Variants in ANKRD36C observed in about 807,000 individuals in gnomAD.
The protein encoded by ANKRD36C is ankyrin repeat domain-containing protein 36C.
Under a neutral mutation model 276.4 loss-of-function variants are expected in ANKRD36C, and 61 were observed. The ratio of observed to expected loss-of-function variants is 0.22; its 90% CI spans 0.18 to 0.27. ANKRD36C has a LOEUF of 0.27. Among genes scored for constraint, ANKRD36C ranks in the 10% least tolerant of loss-of-function variants. ANKRD36C has a pLI of 1.00. For missense variants in ANKRD36C, 1,447 were observed against 2,032.3 expected, an observed-to-expected ratio of 0.71 and a Z score of 5.54; for synonymous variants, 483 against 680.1, an observed-to-expected ratio of 0.71 and a Z score of 4.51.
chr2:95,893,695 C>A lies in ANKRD36C; in HGVS notation c.2756-1835G>T. On this transcript the variant is annotated intron_variant, in intron 44 of 66. Coordinates refer to ENST00000456556, the Ensembl canonical transcript of ANKRD36C. ...CACAATATAAATGAGAGTTTCATTA[C>A]CTTCAAGGCTGGTGGTTTCTGAGAA... is the stretch of plus-strand genomic sequence containing the variant. The A allele has an allele frequency of 6.2e-7, 1 of 1,605,304 alleles. No individual in the cohort carries two copies. The highest frequency in any genetic ancestry group is 8.5e-7 in the Non-Finnish European group (1 of 1,176,894).
downstream of ANKRD36C, chr2:95,851,133 T>C (rs1341686288): frequency 6.4e-7 from 1 of 1,560,166 alleles, no homozygotes; most frequent in Non-Finnish European, 8.7e-7. Context: ...AAATCAATGA[T>C]TGGAATTTAA....
rs1276975051 is a variant in ANKRD36C at position 95,891,625 on chromosome 2, T to C, written c.2857+40A>G. The C allele has an allele frequency of 6.5e-6, 10 of 1,535,602 alleles. No individual in the cohort carries two copies. In the East Asian group the frequency reaches 2.0e-4, roughly 30 times the overall value. ...TTCAGGGAAGAGAATTTCTTATCTA[T>C]CTGCACTGAACATGACATTAAATCT... On this transcript the variant is annotated intron_variant, in intron 46 of 66. Coordinates refer to ENST00000456556, the Ensembl canonical transcript of ANKRD36C.
At chr2:95,950,239 A>C (rs972107876) in intron 16 of ANKRD36C, among the ~76,000 whole-genome samples, 2 of 152,292 alleles carry the variant, frequency 1.3e-5, no homozygotes, top group Non-Finnish European at 2.9e-5. Flanking sequence ...ATAACTGATA[A>C]CTGCCTTTAA....
chr2:95,963,990 T>TATATATAA (rs1291162815), intron 6 of ANKRD36C, among the ~76,000 whole-genome samples: 9 of 19,328 alleles, frequency 4.7e-4, no homozygotes, highest in African/African-American at 2.2e-3. Context: ...TATATATATA[T>TATATATAA]ATATATATAT....
chr2:95,869,010 T>C (rs1675743580), intron 59 of ANKRD36C, among the ~76,000 whole-genome samples: 1 of 151,476 alleles, frequency 6.6e-6, no homozygotes, highest in Admixed American at 6.6e-5. Context: ...TTTTCACTAC[T>C]AGTTGTTGAG....
chr2:95,863,143 C>T (rs963194742), intron 60 of ANKRD36C, among the ~76,000 whole-genome samples: 1 of 152,040 alleles, frequency 6.6e-6, no homozygotes, highest in African/African-American at 2.4e-5. Flanking sequence ...TTACTAGTTT[C>T]AGAAATAAAC....
intron 34 of ANKRD36C, 136 bp from the exon 35 acceptor site, chr2:95,920,056 T>C (rs1677223644): frequency 1.2e-5 from 13 of 1,091,194 alleles, no homozygotes; most frequent in African/African-American, 1.6e-5. Flanking sequence ...ACTTTGTGTC[T>C]TGGGACTGGA....
At chr2:95,889,698 A>T in intron 48 of ANKRD36C, 101 bp downstream of exon 68, 2 of 1,429,174 alleles carry the variant, frequency 1.4e-6, no homozygotes, top group Non-Finnish European at 1.9e-6. Context: ...ATACTGAATC[A>T]GAACATGAAG....
intron 42 of ANKRD36C, among the ~76,000 whole-genome samples, chr2:95,904,352 C>T (rs1175505967): frequency 6.8e-6 from 1 of 146,376 alleles, no homozygotes; most frequent in Non-Finnish European, 1.5e-5. Flanking sequence ...CTCCTTAGTT[C>T]TCCTACAGTG....
chr2:95,983,369 C>A (rs1678958709), intron 3 of ANKRD36C, among the ~76,000 whole-genome samples: 1 of 151,302 alleles, frequency 6.6e-6, no homozygotes, highest in East Asian at 1.9e-4. Context: ...GACCCTGATG[C>A]AAATATTTAT....
chr2:95,970,672 T>G (rs765338163), intron 6 of ANKRD36C, among the ~76,000 whole-genome samples: 1 of 152,184 alleles, frequency 6.6e-6, no homozygotes, highest in Non-Finnish European at 1.5e-5. Flanking sequence ...AGTCATGTTA[T>G]AATAATATAG....
At chr2:95,921,704 A>C (rs1677275032) in intron 33 of ANKRD36C, 25 bp from the exon 34 acceptor site, 1 of 1,580,594 alleles carries the variant, frequency 6.3e-7, no homozygotes, top group African/African-American at 1.4e-5. Context: ...AAAGAAAATA[A>C]TAAATAAATA....
intron 64 of ANKRD36C, 23 bp downstream of exon 84, chr2:95,853,686 G>T (rs1436110394): frequency 7.0e-6 from 11 of 1,561,108 alleles, no homozygotes; most frequent in Non-Finnish European, 7.8e-6. Flanking sequence ...AACAGTTGTT[G>T]GTGTGCAAAG....
exon 60 of ANKRD36C, chr2:95,867,551 G>A (rs1329093887): frequency 2.7e-5 from 39 of 1,463,064 alleles, no homozygotes; most frequent in Non-Finnish European, 3.5e-5. Context: ...ATGTCATCAA[G>A]GTCATCCCTA....
In ANKRD36C at chr2:95,980,803, T is replaced by C. The variant is rs1678900720; in HGVS notation, c.594-18A>G. ...GGGCTGATCTAAAATAACAGAGAGG[T>C]AATTAAAAACTTTAATGACATTTTA... On this transcript the variant is annotated intron_variant, in intron 4 of 66. Coordinates refer to ENST00000456556, the Ensembl canonical transcript of ANKRD36C. The C allele has an allele frequency of 6.4e-7, 1 of 1,561,172 alleles. No homozygotes were observed. Among genetic ancestry groups the C allele is most frequent in the Admixed American group, 1.9e-5 (1 of 51,428 alleles).
At chr2:95,927,215 T>C (rs1448414734) in exon 28 of ANKRD36C, 5 of 1,609,902 alleles carry the variant, frequency 3.1e-6, no homozygotes, top group Non-Finnish European at 4.2e-6. Context: ...CAAAATTACC[T>C]GTCCCAGATT....
chr2:95,913,638 C>A (rs1270985667), intron 40 of ANKRD36C, among the ~76,000 whole-genome samples: 2 of 151,444 alleles, frequency 1.3e-5, no homozygotes, highest in Non-Finnish European at 3.0e-5. Context: ...TCTTTTCACA[C>A]CTTCCTGCCT....
chr2:95,935,737 C>G, intron 22 of ANKRD36C, 93 bp from the exon 23 acceptor site: 2 of 1,463,998 alleles, frequency 1.4e-6, no homozygotes, highest in Non-Finnish European at 1.8e-6. Flanking sequence ...CTACAACTAA[C>G]ACAGGAAAGT....
intron 66 of ANKRD36C, 118 bp downstream of exon 86, chr2:95,851,576 A>C: frequency 1.1e-6 from 1 of 922,792 alleles, no homozygotes; most frequent in Non-Finnish European, 1.6e-6. Context: ...CAAATATTCC[A>C]AAATCTGAAA....
Sources: gnomAD v4.1 joint callset for allele counts (sites outside exome capture counted in the v4.1 genomes callset) on GRCh38, gnomAD v4.1.1 for gene constraint, MANE v1.5 for transcripts, NCBI Gene and HGNC (gene_info 2026-07-23, HGNC 2026-07-21) for gene names.